The following MLXIPL variants were observed in gnomAD, a reference collection of about 807,000 sequenced individuals.
MLXIPL encodes MLX interacting protein like, also known as carbohydrate-responsive element-binding protein.
Under a neutral mutation model 81.5 loss-of-function variants are expected in MLXIPL, and 49 were observed. That is an observed-to-expected ratio of 0.60 (90% confidence interval 0.48 to 0.76). The LOEUF (loss-of-function observed/expected upper bound fraction) is 0.76, where lower values mean the gene tolerates loss of function less well. Ranked by LOEUF, MLXIPL falls within the 30% of genes least tolerant of loss-of-function variation. The pLI, the probability that MLXIPL is intolerant of heterozygous loss-of-function variation, is 0.00. For missense variants in MLXIPL, 1,053 were observed against 1,167.0 expected (o/e 0.90, Z 1.42); for synonymous variants, 466 against 485.5 (o/e 0.96, Z 0.53).
the MLXIPL span, among the ~76,000 whole-genome samples, chr7:73,647,766 C>A: frequency 2.0e-5 from 3 of 151,862 alleles, no homozygotes; most frequent in African/African-American, 7.2e-5. Flanking sequence ...GGGGGCTCCA[C>A]GCCCTCACCT....
the MLXIPL span, among the ~76,000 whole-genome samples, chr7:73,643,070 TA>T: frequency 6.6e-6 from 1 of 152,088 alleles, no homozygotes; most frequent in Non-Finnish European, 1.5e-5. Context: ...AGACCACAAA[TA>T]TATTTCCCCT....
intron 8 of MLXIPL, 67 bp from the exon 9 acceptor site, chr7:73,597,780 C>G: frequency 3.3e-6 from 4 of 1,203,084 alleles, no homozygotes; most frequent in Non-Finnish European, 4.3e-6. Context: ...GCCATCTGGG[C>G]CTCCCCTGCC....
Position 73,596,922 on chromosome 7 carries a change from C to T in MLXIPL, c.1614G>A (p.Glu538=). ...ATACAAGTGGTGGCTCCAGGGCTTG[C>T]TCCGGCTTAGCTGTGCACGGGCAGA... ...LTQLLTAAKP[E]QALEPPLVSS... is the part of the protein sequence containing the mutation. Residue 538 remains glutamate, a synonymous_variant, in exon 10 of 17, where the codon GAG becomes GAA. Transcript: ENST00000313375. This position sits in a 1 kb window ranked among gnomAD's most constrained non-coding sequence, Gnocchi z 4.7. The T allele has an allele frequency of 6.2e-7, 1 of 1,609,766 alleles. No individual in the cohort carries two copies. Among genetic ancestry groups the T allele is most frequent in the Non-Finnish European group, 8.5e-7 (1 of 1,179,436 alleles).
intron 2 of MLXIPL, among the ~76,000 whole-genome samples, chr7:73,613,536 T>C (rs926618722): frequency 2.0e-5 from 3 of 152,046 alleles, no homozygotes; most frequent in Non-Finnish European, 2.9e-5. Flanking sequence ...AGGTGAAGGT[T>C]GCAGTGAGCC....
intron 7 of MLXIPL, among the ~76,000 whole-genome samples, chr7:73,603,376 G>C (rs1554596957): frequency 1.3e-5 from 2 of 152,198 alleles, no homozygotes; most frequent in African/African-American, 4.8e-5. Flanking sequence ...ACCCCAGGTG[G>C]GGGTGGCTGG....
the MLXIPL span, among the ~76,000 whole-genome samples, chr7:73,631,570 T>TTTTTTTA: frequency 7.2e-6 from 1 of 138,442 alleles, no homozygotes; most frequent in Non-Finnish European, 1.6e-5. Context: ...TTTTTTTTTT[T>TTTTTTTA]TTTTTTTTTT....
At chr7:73,607,997 C>T (rs1795442985) in intron 2 of MLXIPL, among the ~76,000 whole-genome samples, 1 of 151,626 alleles carries the variant, frequency 6.6e-6, no homozygotes, top group Non-Finnish European at 1.5e-5. Flanking sequence ...GCTGGGATTA[C>T]AGGCGCCCAC....
chr7:73,624,142 ACCC>A, intron 1 of MLXIPL, 55 bp downstream of exon 1: 21 of 805,648 alleles, frequency 2.6e-5, no homozygotes, highest in Non-Finnish European at 3.4e-5. Flanking sequence ...CCTGCCCCGG[ACCC>A]CCCCCCCATC....
chr7:73,632,438 T>C, the MLXIPL span, among the ~76,000 whole-genome samples: 1 of 152,210 alleles, frequency 6.6e-6, no homozygotes, highest in Non-Finnish European at 1.5e-5. Flanking sequence ...CGAAACCGAC[T>C]TTGCACCCAT....
intron 1 of MLXIPL, among the ~76,000 whole-genome samples, chr7:73,620,427 A>T (rs995925314): frequency 6.6e-6 from 1 of 150,912 alleles, no homozygotes; most frequent in African/African-American, 2.4e-5. Context: ...AAACAACAAC[A>T]ACAACAACAA....
chr7:73,607,477 C>G, intron 3 of MLXIPL, 57 bp from the exon 4 acceptor site: 1 of 1,525,394 alleles, frequency 6.6e-7, no homozygotes, highest in Non-Finnish European at 8.9e-7. Context: ...GCACACCCAT[C>G]TCCCACCCTT....
intron 1 of MLXIPL, among the ~76,000 whole-genome samples, chr7:73,622,425 G>A (rs991293902): frequency 1.3e-5 from 2 of 151,660 alleles, no homozygotes; most frequent in African/African-American, 2.4e-5. Flanking sequence ...GAAGGCAGAG[G>A]TTGCAGTGAG....
intron 2 of MLXIPL, among the ~76,000 whole-genome samples, chr7:73,608,826 T>G (rs1795496884): frequency 6.6e-6 from 1 of 152,136 alleles, no homozygotes; most frequent in Non-Finnish European, 1.5e-5. Flanking sequence ...AGGCTCTTTT[T>G]TGTTTTTGTT....
Position 73,599,673 on chromosome 7 carries a change from G to A in MLXIPL, c.924C>T (p.Leu308=). Residue 308 remains leucine, a synonymous_variant, in exon 8 of 17, where the codon CTC becomes CTT. Coordinates refer to ENST00000313375, the MANE Select transcript of MLXIPL (RefSeq NM_032951.3). ...AGTTTGAAGGCATGGGCGGCTGTGG[G>A]AGGCGGGAGTTGGTAAAGAAATCTG... ...DISDFFTNSR[L]PQPPMPSNFP... The A allele has an allele frequency of 6.2e-7, 1 of 1,607,522 alleles. No homozygotes were observed. The highest frequency in any genetic ancestry group is 8.5e-7 in the Non-Finnish European group (1 of 1,176,642).
rs1794384163 is a variant in MLXIPL at position 73,596,992 on chromosome 7, A to T, written c.1604-60T>A. 10 of 1,562,234 alleles carry T rather than the reference A, an allele frequency of 6.4e-6. No homozygotes were observed. The highest frequency in any genetic ancestry group is 8.7e-6 in the Non-Finnish European group (10 of 1,152,210). On this transcript the variant is annotated intron_variant, in intron 9 of 16. Transcript: ENST00000313375. This position sits in a 1 kb window ranked among gnomAD's most constrained non-coding sequence, Gnocchi z 4.7. ...TGGCCCACCCCCGGCATCTATCAAG[A>T]CCCCATCCTGCCCCTCCCAAGAGTC...
At chr7:73,614,814 T>TTG (rs1554600436) in intron 2 of MLXIPL, among the ~76,000 whole-genome samples, 3 of 148,752 alleles carry the variant, frequency 2.0e-5, no homozygotes, top group African/African-American at 7.5e-5. Context: ...TTGCCCTTTT[T>TTG]TTTTTTTTTT....
the MLXIPL span, among the ~76,000 whole-genome samples, chr7:73,645,825 C>T: frequency 2.6e-5 from 4 of 152,160 alleles, no homozygotes; most frequent in Non-Finnish European, 5.9e-5. Context: ...CGTTCCCAGG[C>T]TGTGTGACCT....
chr7:73,596,324 G>C lies in MLXIPL; in HGVS notation c.1938+40C>G, dbSNP rs782392745. 20 of 1,613,122 alleles carry C rather than the reference G, an allele frequency of 1.2e-5. No individual in the cohort carries two copies. Among genetic ancestry groups the C allele is most frequent in the Non-Finnish European group, 1.2e-5 (14 of 1,179,874 alleles). On this transcript the variant is annotated intron_variant, in intron 12 of 16. Coordinates refer to ENST00000313375, the MANE Select transcript of MLXIPL (RefSeq NM_032951.3). The surrounding 1 kb of genome is among the most constrained non-coding windows in gnomAD (Gnocchi z 4.7). Reference sequence around the variant, plus strand: ...CTAGGAAGGAGCCCAGGAGGGCCTGGGGGTAGCAAACCGATCTTGGGGTGG... The same window carrying C: ...CTAGGAAGGAGCCCAGGAGGGCCTGCGGGTAGCAAACCGATCTTGGGGTGG...
At chr7:73,624,657 G>T, upstream of MLXIPL, 1 of 1,300,054 alleles carries the variant, frequency 7.7e-7, no homozygotes, top group Non-Finnish European at 9.9e-7. Context: ...CCTTACGCCA[G>T]GTGAGAACCC....
Sources: gnomAD v4.1 joint callset for allele counts (sites outside exome capture counted in the v4.1 genomes callset) on GRCh38, gnomAD v4.1.1 for gene constraint, Gnocchi (gnomAD v3.1) non-coding constraint, MANE v1.5 for transcripts, NCBI Gene and HGNC (gene_info 2026-07-23, HGNC 2026-07-21) for gene names.